Variants in EPAS1 observed in about 807,000 individuals in gnomAD.
The protein encoded by EPAS1 is endothelial PAS domain-containing protein 1.
In EPAS1, 23 loss-of-function variants were observed where a neutral mutation model predicts 87.9. The observed-to-expected ratio is 0.26, with a 90% CI of 0.19 to 0.37. The LOEUF is 0.37. EPAS1 is among the 10% of genes least tolerant of loss of function. The probability of loss-of-function intolerance (pLI) is 1.00; values close to 1 mark genes in which losing one functional copy is unlikely to be tolerated. For synonymous variants in EPAS1, 508 were observed against 444.3 expected, an observed-to-expected ratio of 1.14 and a Z score of -1.80; for missense variants, 1,138 against 1,120.7, an observed-to-expected ratio of 1.02 and a Z score of -0.22.
At chr2:46,332,291 C>CGTGTGTGTGTGT (rs57893491) in intron 1 of EPAS1, among the ~76,000 whole-genome samples, 3 of 110,800 alleles carry the variant, frequency 2.7e-5, no homozygotes, top group Non-Finnish European at 3.9e-5. Context: ...AAAAAAAATA[C>CGTGTGTGTGTGT]GTGTGTGTGT....
rs1209678206 is a variant in EPAS1, at chr2:46,375,872, G to T, written c.1034+35G>T. On this transcript the variant is annotated intron_variant, in intron 8 of 15. Transcript: ENST00000263734. The surrounding 1 kb of genome is among the most constrained non-coding windows in gnomAD (Gnocchi z 4.1). Reference sequence around the variant, plus strand: ...TGAGGGCTGGCGGGCCTTGGTGCAGGGTATGTGGGGGTGCCCAAGCTTCCC... The same window carrying T: ...TGAGGGCTGGCGGGCCTTGGTGCAGTGTATGTGGGGGTGCCCAAGCTTCCC... The T allele has an allele frequency of 1.9e-5, 30 of 1,613,550 alleles. No homozygotes were observed. The Middle Eastern group carries it at 5.1e-4, about 27-fold the overall frequency.
At chr2:46,307,232 G>A (rs1263970235) in intron 1 of EPAS1, among the ~76,000 whole-genome samples, 1 of 152,222 alleles carries the variant, frequency 6.6e-6, no homozygotes, top group Non-Finnish European at 1.5e-5. Context: ...GGTGCCCAGG[G>A]TGAAGGGAGA....
At chr2:46,313,935 T>C (rs1466550245) in intron 1 of EPAS1, among the ~76,000 whole-genome samples, 1 of 152,214 alleles carries the variant, frequency 6.6e-6, no homozygotes, top group African/African-American at 2.4e-5. Flanking sequence ...GGTTGTCAGG[T>C]CTTTGTCTTC....
chr2:46,364,511 A>G (rs1684463973), intron 6 of EPAS1, among the ~76,000 whole-genome samples: 1 of 152,248 alleles, frequency 6.6e-6, no homozygotes, highest in African/African-American at 2.4e-5. Flanking sequence ...ACCTATTCTG[A>G]AACATCTGAA....
intron 1 of EPAS1, among the ~76,000 whole-genome samples, chr2:46,328,006 T>C (rs1683598738): frequency 6.6e-6 from 1 of 152,238 alleles, no homozygotes; most frequent in African/African-American, 2.4e-5. Flanking sequence ...CCCAGAATTG[T>C]CTGAACTTAG....
At chr2:46,315,714 G>T (rs973486125) in intron 1 of EPAS1, among the ~76,000 whole-genome samples, 2 of 152,240 alleles carry the variant, frequency 1.3e-5, no homozygotes, top group Non-Finnish European at 2.9e-5. Flanking sequence ...CTGCTGGACC[G>T]AGGGCAGGAT....
At position 46,362,951 on chromosome 2, in the gene EPAS1, T is replaced by TTAGTGGTGGTGGTGGTGGTGGTGG. The variant is rs781019980; in HGVS notation, c.779+1887_779+1910dup. Among the ~76,000 whole-genome samples, 25 of 122,542 alleles carry TTAGTGGTGGTGGTGGTGGTGGTGG rather than the reference T, an allele frequency of 2.0e-4. 2 individuals are homozygous for TTAGTGGTGGTGGTGGTGGTGGTGG. Among genetic ancestry groups the TTAGTGGTGGTGGTGGTGGTGGTGG allele is most frequent in the Middle Eastern group, 8.5e-3 (2 of 234 alleles). The allele number at this position is 122,542 out of a possible 152,430, so 80.4% of individuals were successfully genotyped here. ...ACACAGTCACCATTTATTGTAATTG[T>TTAGTGGTGGTGGTGGTGGTGGTGG]TAGTGGTGGTGGTGGTGGTGGTGGT... is the stretch of plus-strand genomic sequence containing the variant. On this transcript the variant is annotated intron_variant, in intron 6 of 15. Coordinates refer to ENST00000263734, the MANE Select transcript of EPAS1 (RefSeq NM_001430.5).
Position 46,347,439 on chromosome 2 carries a change from C to T in EPAS1, c.217+376C>T, listed in dbSNP as rs1461819375. The T allele has an allele frequency of 6.1e-6, 2 of 328,414 alleles. No homozygotes were observed. Among genetic ancestry groups the T allele is most frequent in the Non-Finnish European group, 1.2e-5 (2 of 169,762 alleles). 20.3% of individuals were successfully genotyped at this position (328,414 alleles called of 1,614,324 possible). On this transcript the variant is annotated intron_variant, in intron 2 of 15. Transcript: ENST00000263734. This position sits in a 1 kb window ranked among gnomAD's most constrained non-coding sequence, Gnocchi z 4.2. ...CCGCAGGAAGCATTCTAATCCTTAA[C>T]TTCCAGTGCCTTCTCCAGAACAGCA... is the stretch of plus-strand genomic sequence containing the variant.
chr2:46,360,415 T>C lies in EPAS1; in HGVS notation c.455-223T>C, dbSNP rs1684362301. 6.6e-6 allele frequency among the ~76,000 whole-genome samples: 1 copy of C among 152,214 alleles called. No individual in the cohort carries two copies. The highest frequency in any genetic ancestry group is 2.1e-4 in the South Asian group (1 of 4,828). ...AAATGATGGAGCAGCTCCTCCCTTG[T>C]GGGAGTTTATGCTCCAGTTGAGGAG... On this transcript the variant is annotated intron_variant, in intron 4 of 15. Transcript: ENST00000263734. This position sits in a 1 kb window ranked among gnomAD's most constrained non-coding sequence, Gnocchi z 4.5.
intron 4 of EPAS1, among the ~76,000 whole-genome samples, chr2:46,357,044 C>T (rs1416594372): frequency 6.6e-6 from 1 of 152,174 alleles, no homozygotes; most frequent in Non-Finnish European, 1.5e-5. Flanking sequence ...TACTAGGGGA[C>T]ACCTTTGGGT....
intron 2 of EPAS1, among the ~76,000 whole-genome samples, chr2:46,352,284 GT>G (rs1292691824): frequency 6.6e-6 from 1 of 152,190 alleles, no homozygotes; most frequent in Non-Finnish European, 1.5e-5. Flanking sequence ...CCTTACAGCA[GT>G]TTATCTGTCT....
chr2:46,330,699 C>G (rs1683657408), intron 1 of EPAS1, among the ~76,000 whole-genome samples: 1 of 152,218 alleles, frequency 6.6e-6, no homozygotes, highest in Non-Finnish European at 1.5e-5. Context: ...CATGGTTCAG[C>G]TAAACCAGGA....
rs766854881 is a variant in EPAS1, at chr2:46,375,774, C to T, written c.971C>T (p.Thr324Met). ...GGYVWLETQGTVIYNPRNLQP... is the reference protein window; with the variant it reads ...GGYVWLETQGMVIYNPRNLQP... ...TACGTGTGGCTGGAGACCCAGGGGA[C>T]GGTCATCTACAACCCTCGCAACCTG... Residue 324 changes from threonine to methionine, a missense_variant, in exon 8 of 16, where the codon ACG (threonine) becomes ATG (methionine). By Grantham distance (81) the Thr-to-Met change is moderately conservative. Transcript: ENST00000263734. The surrounding 1 kb of genome is among the most constrained non-coding windows in gnomAD (Gnocchi z 4.1). The T allele has an allele frequency of 6.8e-6, 11 of 1,614,202 alleles. No individual in the cohort carries two copies. In the Admixed American group the frequency reaches 1.5e-4, roughly 22 times the overall value.
intron 1 of EPAS1, among the ~76,000 whole-genome samples, chr2:46,321,126 A>G (rs2104849380): frequency 6.6e-6 from 1 of 152,382 alleles, no homozygotes; most frequent in Non-Finnish European, 1.5e-5. Context: ...ATATAGACAT[A>G]TAAAGTATTT....
At chr2:46,362,066 A>G (rs942502435) in intron 6 of EPAS1, among the ~76,000 whole-genome samples, 1 of 151,968 alleles carries the variant, frequency 6.6e-6, no homozygotes, top group Non-Finnish European at 1.5e-5. Context: ...GCTGAGCAGC[A>G]CCCCCCGCAT....
At position 46,347,478 on chromosome 2, in the gene EPAS1, G is replaced by A. The variant is rs950497521; in HGVS notation, c.217+415G>A. ...TCCAGAACAGCAAGAAGGTGTGCCC[G>A]GATGATCTTTTCCCTCTGAGAAGCC... On this transcript the variant is annotated intron_variant, in intron 2 of 15. Transcript: ENST00000263734. The surrounding 1 kb of genome is among the most constrained non-coding windows in gnomAD (Gnocchi z 4.2). The A allele has an allele frequency of 4.5e-5, 12 of 269,630 alleles. No individual in the cohort carries two copies. Among genetic ancestry groups the A allele is most frequent in the East Asian group, 9.0e-5 (1 of 11,120 alleles). 16.7% of individuals were successfully genotyped at this position (269,630 alleles called of 1,614,324 possible). A position where few individuals can be genotyped will look rare whatever the true frequency, so the allele number is the denominator to read the frequency against.
At chr2:46,357,155 C>T (rs1352349567) in intron 4 of EPAS1, among the ~76,000 whole-genome samples, 2 of 152,198 alleles carry the variant, frequency 1.3e-5, no homozygotes. Context: ...CCAAAGTGCT[C>T]ATAGTAACTA....
At chr2:46,368,191 T>C (rs1684543471) in intron 6 of EPAS1, among the ~76,000 whole-genome samples, 1 of 152,170 alleles carries the variant, frequency 6.6e-6, no homozygotes, top group Admixed American at 6.5e-5. Context: ...ATATTGTGCA[T>C]ACTCCTTAGG....
chr2:46,314,934 G>A (rs562288694), intron 1 of EPAS1, among the ~76,000 whole-genome samples: 1 of 152,302 alleles, frequency 6.6e-6, no homozygotes, highest in Non-Finnish European at 1.5e-5. Context: ...AGTTGTGCTT[G>A]CAGGAGGGGT....
Sources: gnomAD v4.1 joint callset for allele counts (sites outside exome capture counted in the v4.1 genomes callset) on GRCh38, gnomAD v4.1.1 for gene constraint, Gnocchi (gnomAD v3.1) non-coding constraint, MANE v1.5 for transcripts, NCBI Gene and HGNC (gene_info 2026-07-23, HGNC 2026-07-21) for gene names.